Variants in TRIM54 observed in about 807,000 individuals in gnomAD.
TRIM54 encodes the protein tripartite motif containing 54.
TRIM54 carries 40 observed loss-of-function variants against 42.0 expected under a neutral mutation model. The observed-to-expected ratio is 0.95, with a 90% CI of 0.74 to 1.24. The LOEUF is 1.24. TRIM54 is among the 50% of genes most tolerant of loss of function. The probability of loss-of-function intolerance (pLI) is 0.00; values close to 1 mark genes in which losing one functional copy is unlikely to be tolerated. For synonymous variants in TRIM54, 199 were observed against 194.9 expected (o/e 1.02, Z -0.17); for missense variants, 485 against 480.3 (o/e 1.01, Z -0.09).
At chr2:27,300,892 A>C (rs1679018041) in intron 3 of TRIM54, among the ~76,000 whole-genome samples, 1 of 152,088 alleles carries the variant, frequency 6.6e-6, no homozygotes, top group Non-Finnish European at 1.5e-5. Flanking sequence ...TATTAAAAAG[A>C]GACAAGATCT....
At chr2:27,282,927 G>A in intron 1 of TRIM54, 28 bp downstream of exon 1, 3 of 1,592,792 alleles carry the variant, frequency 1.9e-6, no homozygotes, top group Non-Finnish European at 2.6e-6. Flanking sequence ...GGCAGGGCCA[G>A]GTAAAGCAAT....
rs375704005 is a variant in TRIM54, at chr2:27,306,198, G to C, written c.867-15G>C. On this transcript the variant is annotated splice_polypyrimidine_tract_variant and intron_variant, in intron 6 of 8. Transcript: ENST00000380075. This position sits in a 1 kb window ranked among gnomAD's most constrained non-coding sequence, Gnocchi z 6.1. Reference sequence around the variant, plus strand: ...TGCTGGGGCATTGCCAGCTGAGTCCGTGTGGCCACTGCAGGGTCGGGGCCA... The same window carrying C: ...TGCTGGGGCATTGCCAGCTGAGTCCCTGTGGCCACTGCAGGGTCGGGGCCA... The C allele has an allele frequency of 1.2e-6, 2 of 1,614,070 alleles. No homozygotes were observed. Among genetic ancestry groups the C allele is most frequent in the South Asian group, 1.1e-5 (1 of 91,084 alleles).
intron 1 of TRIM54, among the ~76,000 whole-genome samples, chr2:27,294,228 A>G (rs1290931742): frequency 2.0e-5 from 3 of 151,978 alleles, no homozygotes; most frequent in Non-Finnish European, 4.4e-5. Flanking sequence ...TCCTGGGCTC[A>G]AGTGATCCTC....
chr2:27,306,464 G>A lies in TRIM54; in HGVS notation c.1000G>A (p.Gly334Arg), dbSNP rs775947800. 7 of 1,596,208 alleles carry A rather than the reference G, an allele frequency of 4.4e-6. No homozygotes were observed. The highest frequency in any genetic ancestry group is 1.8e-5 in the Admixed American group (1 of 56,744). Residue 334 changes from glycine (G) to arginine (R), a missense_variant, in exon 8 of 9, where the codon GGG (glycine) becomes AGG (arginine). Coordinates refer to ENST00000380075, the MANE Select transcript of TRIM54 (RefSeq NM_187841.3). The surrounding 1 kb of genome is among the most constrained non-coding windows in gnomAD (Gnocchi z 6.1). Reference sequence around the variant, plus strand: ...GCCTTCCTTGGGCTCAGGCGCTTCCGGGGAGGAAGAGGAGGTGGCCCCAGA... The same window carrying A: ...GCCTTCCTTGGGCTCAGGCGCTTCCAGGGAGGAAGAGGAGGTGGCCCCAGA... ...RTIDFQPGAS[G>R]EEEEVAPDGE... is the part of the protein sequence containing the mutation.
In TRIM54 at chr2:27,298,769, A is replaced by C. The variant is rs779328065; in HGVS notation, c.341+30A>C. Reference sequence around the variant, plus strand: ...GCCACCAGAGTCTCTTGCCTCTCTCATGACAGGGCTTGGGACACAGCCAAG... The same window carrying C: ...GCCACCAGAGTCTCTTGCCTCTCTCCTGACAGGGCTTGGGACACAGCCAAG... On this transcript the variant is annotated intron_variant, in intron 2 of 8. Transcript: ENST00000380075. 3 of 1,608,756 alleles carry C rather than the reference A, an allele frequency of 1.9e-6. No individual in the cohort carries two copies. The South Asian group carries it at 3.3e-5, about 18-fold the overall frequency.
At position 27,306,703 on chromosome 2, in the gene TRIM54, G is replaced by A. The variant is rs1679227874; in HGVS notation, c.*1+161G>A. ...AACCCAACCCCGGAGCCACAAAGGC[G>A]CGCCCCCTAGGGCGGAAAAGTACAC... On this transcript the variant is annotated intron_variant, in intron 8 of 8. Transcript: ENST00000380075. This position sits in a 1 kb window ranked among gnomAD's most constrained non-coding sequence, Gnocchi z 6.1. Among the ~76,000 whole-genome samples the A allele has an allele frequency of 6.6e-6, 1 of 152,196 alleles. No homozygotes were observed. Among genetic ancestry groups the A allele is most frequent in the South Asian group, 2.1e-4 (1 of 4,834 alleles).
At chr2:27,302,902 G>A (rs567523690) in intron 3 of TRIM54, among the ~76,000 whole-genome samples, 14 of 152,296 alleles carry the variant, frequency 9.2e-5, no homozygotes, top group African/African-American at 3.4e-4. Context: ...CTTTCCTCAT[G>A]TGTAAAATTA....
At chr2:27,288,758 G>A (rs1004384663) in intron 1 of TRIM54, among the ~76,000 whole-genome samples, 15 of 152,312 alleles carry the variant, frequency 9.8e-5, no homozygotes, top group African/African-American at 3.6e-4. Flanking sequence ...ACAGGTCACA[G>A]TCACACAAAC....
At chr2:27,287,513 G>C (rs971216755) in intron 1 of TRIM54, among the ~76,000 whole-genome samples, 3 of 150,808 alleles carry the variant, frequency 2.0e-5, no homozygotes, top group Non-Finnish European at 2.9e-5. Context: ...GACCGAAAAG[G>C]GTGTTTTAAA....
Position 27,306,529 on chromosome 2 carries a change from G to A in TRIM54, c.1065G>A (p.Pro355=), listed in dbSNP as rs201080534. ...GCGCGGGGCCGGAGGAAGAGCGGCC[G>A]GATGGGCCTTAAGGTGAGAGCCGCC... The part of the protein sequence containing the change: ...EGSAGPEEER[P]DGP The change falls in exon 8 of 9, where the codon CCG becomes CCA. Residue 355 remains proline, a synonymous_variant. Coordinates refer to ENST00000380075, the MANE Select transcript of TRIM54 (RefSeq NM_187841.3). The surrounding 1 kb of genome is among the most constrained non-coding windows in gnomAD (Gnocchi z 6.1). The A allele has an allele frequency of 9.0e-5, 140 of 1,555,566 alleles. 1 individual carries two copies. In the African/African-American group the frequency reaches 9.2e-4, roughly 10 times the overall value.
intron 1 of TRIM54, among the ~76,000 whole-genome samples, chr2:27,290,870 A>G (rs1219607344): frequency 2.0e-5 from 3 of 152,220 alleles, no homozygotes; most frequent in African/African-American, 4.8e-5. Context: ...AATTTGACCC[A>G]TATAGCCAGT....
At chr2:27,288,529 G>T (rs1678637803) in intron 1 of TRIM54, among the ~76,000 whole-genome samples, 1 of 152,154 alleles carries the variant, frequency 6.6e-6, no homozygotes, top group Admixed American at 6.6e-5. Context: ...CCATTTATTT[G>T]TTCCATTCCA....
At chr2:27,290,147 C>T (rs1057508688) in intron 1 of TRIM54, among the ~76,000 whole-genome samples, 4 of 151,888 alleles carry the variant, frequency 2.6e-5, no homozygotes, top group African/African-American at 9.7e-5. Flanking sequence ...TCTAGAATTA[C>T]AGGTGTGAGC....
rs542384959 is a variant in TRIM54, at chr2:27,299,359, C to T, written c.456C>T (p.Phe152=). ...CCACCTGCTCTCTCTGCAAGGTCTT[C>T]GGTGCCCACAAGGACTGTGAGGTGG... ...EVPTCSLCKV[F]GAHKDCEVAP... is the part of the protein sequence containing the mutation. The change falls in exon 3 of 9, where the codon TTC becomes TTT. Residue 152 remains phenylalanine (F), a synonymous_variant. Transcript: ENST00000380075. 14 of 1,614,108 alleles carry T rather than the reference C, an allele frequency of 8.7e-6. No individual in the cohort carries two copies. Among genetic ancestry groups the T allele is most frequent in the African/African-American group, 2.7e-5 (2 of 75,034 alleles).
At chr2:27,295,092 G>A (rs1430836262) in intron 1 of TRIM54, among the ~76,000 whole-genome samples, 4 of 151,480 alleles carry the variant, frequency 2.6e-5, no homozygotes, top group Non-Finnish European at 5.9e-5. Context: ...TTGAGACAGA[G>A]TCCTGCTCTG....
intron 1 of TRIM54, among the ~76,000 whole-genome samples, chr2:27,286,857 C>T (rs970931984): frequency 6.6e-6 from 1 of 152,172 alleles, no homozygotes; most frequent in Non-Finnish European, 1.5e-5. Flanking sequence ...GACCAGGTGT[C>T]ATCAGGTACA....
rs779421720 is a variant in TRIM54, at chr2:27,305,825, C to G, written c.843+8C>G. The G allele has an allele frequency of 9.3e-5, 147 of 1,579,764 alleles. No homozygotes were observed. The highest frequency in any genetic ancestry group is 1.2e-4 in the Non-Finnish European group (134 of 1,162,348). On this transcript the variant is annotated splice_region_variant and intron_variant, in intron 5 of 8. Coordinates refer to ENST00000380075, the MANE Select transcript of TRIM54 (RefSeq NM_187841.3). ...ATGGCGCTGTATCTCCAGGTGGGCT[C>G]TAGGGGAGGGTGGCAGCGCTGCACA...
chr2:27,298,794 G>T, intron 2 of TRIM54, 55 bp downstream of exon 2: 1 of 1,577,696 alleles, frequency 6.3e-7, no homozygotes, highest in South Asian at 1.1e-5. Flanking sequence ...ACACAGCCAA[G>T]GAACCCATCA....
At chr2:27,299,522 T>G (rs1678968740) in intron 3 of TRIM54, 106 bp downstream of exon 3, 1 of 1,537,960 alleles carries the variant, frequency 6.5e-7, no homozygotes, top group Admixed American at 2.0e-5. Context: ...ATTTCTTTAT[T>G]TATTTAGAAA....
Sources: gnomAD v4.1 joint callset for allele counts (sites outside exome capture counted in the v4.1 genomes callset) on GRCh38, gnomAD v4.1.1 for gene constraint, Gnocchi (gnomAD v3.1) non-coding constraint, MANE v1.5 for transcripts, NCBI Gene and HGNC (gene_info 2026-07-23, HGNC 2026-07-21) for gene names.